Variants in GPR180 observed in about 807,000 individuals in gnomAD.
GPR180 encodes G protein-coupled receptor 180.
In GPR180, 53 loss-of-function variants were observed where a neutral mutation model predicts 52.6. The ratio of observed to expected loss-of-function variants is 1.01; its 90% CI spans 0.81 to 1.27. The LOEUF (loss-of-function observed/expected upper bound fraction) is 1.27. GPR180 is among the 50% of genes most tolerant of loss of function. The pLI is 0.00. For missense variants in GPR180, 533 were observed against 527.0 expected, an observed-to-expected ratio of 1.01 and a Z score of -0.11; for synonymous variants, 200 against 193.1, an observed-to-expected ratio of 1.04 and a Z score of -0.30.
Position 94,605,463 on chromosome 13 carries a change from T to C in GPR180, c.218T>C (p.Leu73Pro). Residue 73 changes from leucine to proline, a missense_variant, in exon 2 of 9, where the codon CTG (leucine) becomes CCG (proline). Leu to Pro is a moderately conservative substitution (Grantham distance 98). Transcript: ENST00000376958. ...VAVGKEAKLY[L>P]FQAQEWLKLQ... ...GTTGGAAAAGAAGCTAAACTCTACC[T>C]GTTCCAAGCCCAGGAATGGCTAAAG... 2 of 1,614,140 alleles carry C rather than the reference T, an allele frequency of 1.2e-6. No homozygotes were observed. Among genetic ancestry groups the C allele is most frequent in the South Asian group, 2.2e-5 (2 of 91,090 alleles).
In GPR180 at chr13:94,621,076, A is replaced by G; in HGVS notation, c.737-2A>G. ...TTGACGTTGGTTTTCATGTCCCATTAGTTTTTGACATCGCTTCCCAAATTC... is the reference window on the plus strand; with the variant it reads ...TTGACGTTGGTTTTCATGTCCCATTGGTTTTTGACATCGCTTCCCAAATTC... On this transcript the variant is annotated splice_acceptor_variant, in intron 5 of 8. Coordinates refer to ENST00000376958, the MANE Select transcript of GPR180 (RefSeq NM_180989.6). LOFTEE classifies it high-confidence loss of function. 1 of 1,601,472 alleles carries G rather than the reference A, an allele frequency of 6.2e-7. No homozygotes were observed. Among genetic ancestry groups the G allele is most frequent in the Non-Finnish European group, 8.5e-7 (1 of 1,176,638 alleles).
Position 94,627,240 on chromosome 13 carries a change from C to CT in GPR180, c.*77dup, listed in dbSNP as rs766062437. On this transcript the variant is annotated 3_prime_UTR_variant, in exon 9 of 9. Transcript: ENST00000376958. ...TGCAATAAGGATCCAAATACAGTGA[C>CT]TTTTTTTTCATACATTTAGTATGAA... 3.8e-5 allele frequency: 52 copies of CT among 1,363,354 alleles called. No individual in the cohort carries two copies. Among genetic ancestry groups the CT allele is most frequent in the Non-Finnish European group, 4.7e-5 (46 of 982,616 alleles). The allele number at this position is 1,363,354 out of a possible 1,614,324, so 84.5% of individuals were successfully genotyped here. A position where few individuals can be genotyped will look rare whatever the true frequency, so the allele number is the denominator to read the frequency against.
chr13:94,614,458 A>G (rs1889751604), intron 3 of GPR180, among the ~76,000 whole-genome samples: 1 of 152,044 alleles, frequency 6.6e-6, no homozygotes, highest in African/African-American at 2.4e-5. Flanking sequence ...CTTTTTCTTC[A>G]TCACCAATTT....
chr13:94,624,086 C>G (rs1025975321), intron 7 of GPR180, among the ~76,000 whole-genome samples: 3 of 152,172 alleles, frequency 2.0e-5, no homozygotes, highest in South Asian at 2.1e-4. Context: ...CACATGAGAT[C>G]GTGTCACTTT....
intron 7 of GPR180, among the ~76,000 whole-genome samples, chr13:94,623,952 A>G (rs1438468032): frequency 6.6e-6 from 1 of 152,136 alleles, no homozygotes; most frequent in Non-Finnish European, 1.5e-5. Context: ...ACAGTTATTA[A>G]TTGACTATAA....
intron 5 of GPR180, among the ~76,000 whole-genome samples, 183 bp from the exon 6 acceptor site, chr13:94,620,895 G>A (rs868866613): frequency 6.6e-6 from 1 of 151,480 alleles, no homozygotes; most frequent in South Asian, 2.1e-4. Flanking sequence ...AAAATTTATG[G>A]CAATTTTTAA....
Position 94,629,000 on chromosome 13 carries a change from T to G in GPR180, c.*1829T>G, listed in dbSNP as rs1328654028. The G allele has an allele frequency of 1.3e-5, 2 of 152,132 alleles. No individual in the cohort carries two copies. Among genetic ancestry groups the G allele is most frequent in the African/African-American group, 2.4e-5 (1 of 41,454 alleles). The allele number at this position is 152,132 out of a possible 1,614,324, so 9.4% of individuals were successfully genotyped here. On this transcript the variant is annotated 3_prime_UTR_variant, in exon 9 of 9. Transcript: ENST00000376958. ...ATGAAATTTATTACTCTGCTTGCAT[T>G]TATGAAACTAACCAGTTTTTTAAAC...
rs562620435 is a variant in GPR180, at chr13:94,627,694, G to A, written c.*523G>A. 2 of 152,348 alleles carry A rather than the reference G, an allele frequency of 1.3e-5. No individual in the cohort carries two copies. The highest frequency in any genetic ancestry group is 2.4e-5 in the African/African-American group (1 of 41,546). 9.4% of individuals were successfully genotyped at this position (152,348 alleles called of 1,614,324 possible). On this transcript the variant is annotated 3_prime_UTR_variant, in exon 9 of 9. Coordinates refer to ENST00000376958, the MANE Select transcript of GPR180 (RefSeq NM_180989.6). ...ACTTCAGGAAATGAATATAAAATAG[G>A]TTCACAGTTAAATGAATAAGCTTTT...
rs138444948 is a variant in GPR180 at position 94,603,991 on chromosome 13, C to T, written c.146-1400C>T. Among the ~76,000 whole-genome samples, 394 of 152,128 alleles carry T rather than the reference C, an allele frequency of 2.6e-3. 1 individual carries two copies. The highest frequency in any genetic ancestry group is 9.2e-3 in the African/African-American group (384 of 41,514). On this transcript the variant is annotated intron_variant, in intron 1 of 8. Coordinates refer to ENST00000376958, the MANE Select transcript of GPR180 (RefSeq NM_180989.6). ...TGGGTGGCTCCTGCCTGTAATCCCA[C>T]CACTTTGGGAGGCAGAGGTGGGCAG...
At chr13:94,625,910 A>G (rs1008187312) in intron 7 of GPR180, 56 bp from the exon 8 acceptor site, 12 of 1,343,706 alleles carry the variant, frequency 8.9e-6, no homozygotes, top group Admixed American at 1.8e-5. Flanking sequence ...TTTGTCTGGT[A>G]CATGCTGAAA....
chr13:94,619,213 A>T lies in GPR180; in HGVS notation c.569A>T (p.Gln190Leu), dbSNP rs757386565. The change falls in exon 4 of 9, where the codon CAA (glutamine) becomes CTA (leucine). Residue 190 changes from glutamine to leucine, a missense_variant. Gln to Leu is a moderately radical substitution (Grantham distance 113). Transcript: ENST00000376958. ...TTTGTGATTGCTTGCATTTATGCTC[A>T]ATCATTGTGGCAGGCTATTAAGAAA... The part of the protein sequence containing the change: ...VYFVIACIYA[Q>L]SLWQAIKKGG... 6.2e-7 allele frequency: 1 copy of T among 1,614,112 alleles called. No individual in the cohort carries two copies. The highest frequency in any genetic ancestry group is 1.1e-5 in the South Asian group (1 of 91,082).
At position 94,627,184 on chromosome 13, in the gene GPR180, G is replaced by C. The variant is rs759757258; in HGVS notation, c.*13G>C. The C allele has an allele frequency of 2.5e-6, 4 of 1,609,906 alleles. No individual in the cohort carries two copies. The highest frequency in any genetic ancestry group is 2.7e-5 in the African/African-American group (2 of 74,822). ...CCCTCATTTCTGATACTTGATTTTT[G>C]TTGAGAGGAAAAGTGAATTGGTTAA... On this transcript the variant is annotated 3_prime_UTR_variant, in exon 9 of 9. Transcript: ENST00000376958.
At chr13:94,604,651 C>T (rs1160430368) in intron 1 of GPR180, among the ~76,000 whole-genome samples, 8 of 152,090 alleles carry the variant, frequency 5.3e-5, no homozygotes. Context: ...TCAAAGCTGA[C>T]TGCAGCCTCA....
At chr13:94,624,228 A>G (rs1316212617) in intron 7 of GPR180, among the ~76,000 whole-genome samples, 3 of 151,946 alleles carry the variant, frequency 2.0e-5, no homozygotes, top group African/African-American at 7.3e-5. Context: ...TTTTTCTGTC[A>G]GATTGAGAGA....
In GPR180 at chr13:94,625,986, A is replaced by G; in HGVS notation, c.1107A>G (p.Leu369=). 6.2e-7 allele frequency: 1 copy of G among 1,612,164 alleles called. No homozygotes were observed. The highest frequency in any genetic ancestry group is 8.5e-7 in the Non-Finnish European group (1 of 1,178,806). ...TFAKGCILWF[L]CHPVLACISV... is the part of the protein sequence containing the mutation. ...TTCAGGGCTGTATCTTGTGGTTTTTATGCCATCCAGTTCTTGCATGCATTT... is the reference window on the plus strand; with the variant it reads ...TTCAGGGCTGTATCTTGTGGTTTTTGTGCCATCCAGTTCTTGCATGCATTT... Residue 369 remains leucine, a synonymous_variant, in exon 8 of 9, where the codon TTA becomes TTG. Coordinates refer to ENST00000376958, the MANE Select transcript of GPR180 (RefSeq NM_180989.6).
rs1889974390 is a variant in GPR180, at chr13:94,630,044, GT to G, written c.*2877del. 6.6e-6 allele frequency: 1 copy of G among 152,168 alleles called. No individual in the cohort carries two copies. The highest frequency in any genetic ancestry group is 1.5e-5 in the Non-Finnish European group (1 of 68,010). The allele number at this position is 152,168 out of a possible 1,614,324, so 9.4% of individuals were successfully genotyped here. ...AAATCATTGAGGTTGTTTTTTGTTT[GT>G]TTTGAGAATTGATATGATTGTTAGA... On this transcript the variant is annotated 3_prime_UTR_variant, in exon 9 of 9. Coordinates refer to ENST00000376958, the MANE Select transcript of GPR180 (RefSeq NM_180989.6).
rs914638891 is a variant in GPR180 at position 94,626,910 on chromosome 13, A to G, written c.1165-103A>G. Reference sequence around the variant, plus strand: ...TACCTATGGTAAAGATGAAAGATAGAGTATTGTATTTATATAAAAAGCATA... The same window carrying G: ...TACCTATGGTAAAGATGAAAGATAGGGTATTGTATTTATATAAAAAGCATA... On this transcript the variant is annotated intron_variant, in intron 8 of 8. Coordinates refer to ENST00000376958, the MANE Select transcript of GPR180 (RefSeq NM_180989.6). 52 of 808,736 alleles carry G rather than the reference A, an allele frequency of 6.4e-5. No individual in the cohort carries two copies. The Middle Eastern group carries it at 1.2e-3, about 18-fold the overall frequency. The allele number at this position is 808,736 out of a possible 1,614,324, so 50.1% of individuals were successfully genotyped here.
At chr13:94,615,926 C>T (rs149044243) in intron 3 of GPR180, among the ~76,000 whole-genome samples, 1,837 of 152,288 alleles carry the variant, frequency 0.012, 18 homozygotes, top group Non-Finnish European at 0.017. Context: ...CTTAAAGTAA[C>T]AGAAAACCCT....
intron 3 of GPR180, among the ~76,000 whole-genome samples, chr13:94,613,905 G>A (rs1440032548): frequency 6.7e-6 from 1 of 150,142 alleles, no homozygotes; most frequent in Non-Finnish European, 1.5e-5. Flanking sequence ...TTGAGACAGA[G>A]GCTTGCCCTG....
Sources: allele counts gnomAD v4.1 joint callset (sites outside exome capture counted in the v4.1 genomes callset), GRCh38; gene constraint gnomAD v4.1.1; transcripts MANE v1.5; gene names NCBI Gene and HGNC (gene_info 2026-07-23, HGNC 2026-07-21).